The following ATP9B variants were observed in gnomAD, a reference collection of about 807,000 sequenced individuals.
ATP9B encodes the protein ATPase phospholipid transporting 9B.
ATP9B carries 110 observed loss-of-function variants against 146.1 expected under a neutral mutation model. That is an observed-to-expected ratio of 0.75 (90% confidence interval 0.65 to 0.88). ATP9B has a LOEUF of 0.88. ATP9B is among the 40% of genes least tolerant of loss of function. The probability of loss-of-function intolerance (pLI) is 0.00; values close to 1 mark genes in which losing one functional copy is unlikely to be tolerated. For synonymous variants in ATP9B, 604 were observed against 569.7 expected (o/e 1.06, Z -0.86); for missense variants, 1,499 against 1,496.4 (o/e 1.00, Z -0.03).
intron 1 of ATP9B, among the ~76,000 whole-genome samples, chr18:79,079,013 A>G (rs1424913388): frequency 6.6e-6 from 1 of 152,196 alleles, no homozygotes; most frequent in African/African-American, 2.4e-5. Flanking sequence ...ATGGCTGCAT[A>G]GTATTCCATG....
rs59609030 is a variant in ATP9B at position 79,197,089 on chromosome 18, A to G, written c.954+3826A>G. Reference sequence around the variant, plus strand: ...TTGAACATACATTTGCTTGTAAAGAAATTTTTATTTCTATAACATAGAACT... The same window carrying G: ...TTGAACATACATTTGCTTGTAAAGAGATTTTTATTTCTATAACATAGAACT... On this transcript the variant is annotated intron_variant, in intron 9 of 29. Transcript: ENST00000426216. Among the ~76,000 whole-genome samples, 360 of 152,340 alleles carry G rather than the reference A, an allele frequency of 2.4e-3. 5 individuals are homozygous for G. Among genetic ancestry groups the G allele is most frequent in the African/African-American group, 8.2e-3 (340 of 41,584 alleles).
chr18:79,200,069 T>C (rs1341536560), intron 9 of ATP9B, among the ~76,000 whole-genome samples: 2 of 152,230 alleles, frequency 1.3e-5, no homozygotes, highest in African/African-American at 4.8e-5. Context: ...TTATTTAATA[T>C]TATGTACTGT....
chr18:79,223,052 G>A (rs569779401), intron 11 of ATP9B, among the ~76,000 whole-genome samples: 1 of 152,158 alleles, frequency 6.6e-6, no homozygotes, highest in Admixed American at 6.5e-5. Flanking sequence ...AATCCCTTGG[G>A]TATATTGATT....
intron 11 of ATP9B, among the ~76,000 whole-genome samples, chr18:79,251,301 C>A (rs1312418339): frequency 6.6e-6 from 1 of 152,200 alleles, no homozygotes; most frequent in East Asian, 1.9e-4. Flanking sequence ...CTTTAGGGTC[C>A]TTGTCATCGC....
intron 25 of ATP9B, among the ~76,000 whole-genome samples, chr18:79,349,642 G>T (rs1007051517): frequency 2.0e-5 from 3 of 152,196 alleles, no homozygotes; most frequent in African/African-American, 7.2e-5. Context: ...CAGTCTGTGC[G>T]TGTGTTAGGT....
intron 15 of ATP9B, among the ~76,000 whole-genome samples, chr18:79,321,757 C>T (rs117507787): frequency 0.018 from 2,774 of 152,266 alleles, 38 homozygotes; most frequent in Middle Eastern, 0.034. Flanking sequence ...TTGTTATAAG[C>T]TGCTCTTTGC....
chr18:79,082,377 A>G (rs1048429426), intron 1 of ATP9B, among the ~76,000 whole-genome samples: 4 of 152,136 alleles, frequency 2.6e-5, no homozygotes, highest in African/African-American at 9.7e-5. Flanking sequence ...GGAGTTTGTT[A>G]TTACCCACCT....
intron 17 of ATP9B, chr18:79,332,878 G>C (rs2096799131): frequency 6.6e-6 from 1 of 152,232 alleles, no homozygotes; most frequent in Admixed American, 6.5e-5. Flanking sequence ...CACAGCTGTT[G>C]GATGCATAAA....
At chr18:79,173,569 T>C (rs11665148) in intron 7 of ATP9B, 108,855 of 404,254 alleles carry the variant, frequency 0.27, 15,980 homozygotes, top group East Asian at 0.51. Context: ...GCGTCATTTA[T>C]AGTGAAGACT....
chr18:79,290,779 TAA>T (rs1009723110), intron 13 of ATP9B, among the ~76,000 whole-genome samples: 1 of 152,234 alleles, frequency 6.6e-6, no homozygotes, highest in Non-Finnish European at 1.5e-5. Context: ...CCATTTCTTG[TAA>T]GGTCTAAGTA....
intron 6 of ATP9B, chr18:79,145,264 G>A (rs1358052160): frequency 5.7e-5 from 8 of 140,348 alleles, no homozygotes; most frequent in Admixed American, 1.6e-4. Flanking sequence ...GCTGCATGTC[G>A]GGGGAGCTGG....
In ATP9B at chr18:79,342,330, C is replaced by T. The variant is rs1229007584; in HGVS notation, c.2346C>T (p.Leu782=). ...TATCIAKSSH[L]VSRTQDIHIF... ...CCTGCATTGCCAAAAGTTCACATCT[C>T]GTGTCTAGAACACAAGATATTCATA... Residue 782 remains leucine (L), a synonymous_variant, in exon 20 of 30, where the codon CTC becomes CTT. Coordinates refer to ENST00000426216, the MANE Select transcript of ATP9B (RefSeq NM_198531.5). 12 of 1,613,190 alleles carry T rather than the reference C, an allele frequency of 7.4e-6. No individual in the cohort carries two copies. Among genetic ancestry groups the T allele is most frequent in the African/African-American group, 1.3e-5 (1 of 74,900 alleles).
rs369460549 is a variant in ATP9B, at chr18:79,154,488, A to G, written c.727-16A>G. On this transcript the variant is annotated splice_polypyrimidine_tract_variant and intron_variant, in intron 6 of 29. Coordinates refer to ENST00000426216, the MANE Select transcript of ATP9B (RefSeq NM_198531.5). ...CCTGCATATAGATAATTAATCTTTT[A>G]TAATGCTCTTTGCAGAATCAAAGAA... 24 of 1,529,140 alleles carry G rather than the reference A, an allele frequency of 1.6e-5. No individual in the cohort carries two copies. The highest frequency in any genetic ancestry group is 2.1e-5 in the Non-Finnish European group (24 of 1,143,940). 94.7% of individuals were successfully genotyped at this position (1,529,140 alleles called of 1,614,324 possible).
At chr18:79,332,223 A>ATT (rs2096794462) in intron 17 of ATP9B, among the ~76,000 whole-genome samples, 1 of 152,126 alleles carries the variant, frequency 6.6e-6, no homozygotes. Context: ...AGGTCAGGAG[A>ATT]TTGAGACCCT....
At chr18:79,345,977 C>A in intron 23 of ATP9B, 138 bp downstream of exon 23, 1 of 935,430 alleles carries the variant, frequency 1.1e-6, no homozygotes, top group Non-Finnish European at 1.7e-6. Flanking sequence ...GCTCGGTCAG[C>A]AAACACTCAG....
rs189684371 is a variant in ATP9B at position 79,368,687 on chromosome 18, G to A, written c.3013-4138G>A. Among the ~76,000 whole-genome samples, 12 of 152,242 alleles carry A rather than the reference G, an allele frequency of 7.9e-5. No individual in the cohort carries two copies. In the East Asian group the frequency reaches 1.7e-3, roughly 22 times the overall value. On this transcript the variant is annotated intron_variant, in intron 26 of 29. Transcript: ENST00000426216. ...TGAGACCCTGAAGAAATCAGTCACC[G>A]TAATTTCAGACCATTAATAGAAGAA...
intron 4 of ATP9B, chr18:79,117,840 G>T (rs1358472276): frequency 2.0e-5 from 3 of 152,128 alleles, no homozygotes; most frequent in Non-Finnish European, 4.4e-5. Flanking sequence ...AACCTATTCT[G>T]AATGTGAGAT....
At chr18:79,142,220 T>C (rs2094522647) in intron 5 of ATP9B, among the ~76,000 whole-genome samples, 1 of 152,244 alleles carries the variant, frequency 6.6e-6, no homozygotes, top group African/African-American at 2.4e-5. Context: ...TCGTGATCAC[T>C]ATATAATGCC....
intron 11 of ATP9B, among the ~76,000 whole-genome samples, chr18:79,251,929 G>A (rs1029794267): frequency 6.6e-6 from 1 of 152,190 alleles, no homozygotes; most frequent in Non-Finnish European, 1.5e-5. Flanking sequence ...ATAGAATTTA[G>A]TCTTCCGCTA....
Sources: allele counts gnomAD v4.1 joint callset (sites outside exome capture counted in the v4.1 genomes callset), GRCh38; gene constraint gnomAD v4.1.1; transcripts MANE v1.5; gene names NCBI Gene and HGNC (gene_info 2026-07-23, HGNC 2026-07-21).